The following SAMD5 variants were observed in gnomAD, a reference collection of about 807,000 sequenced individuals.
SAMD5 encodes the protein sterile alpha motif domain-containing protein 5.
SAMD5 carries 13 observed loss-of-function variants against 11.3 expected under a neutral mutation model. That is an observed-to-expected ratio of 1.15 (90% CI 0.75 to 1.83). The LOEUF (loss-of-function observed/expected upper bound fraction) is 1.83. SAMD5 is among the 40% of genes most tolerant of loss of function. The probability of loss-of-function intolerance (pLI) is 0.00; values close to 1 mark genes in which losing one functional copy is unlikely to be tolerated. For missense variants in SAMD5, 255 were observed against 239.1 expected, an observed-to-expected ratio of 1.07 and a Z score of -0.44; for synonymous variants, 129 against 111.3, an observed-to-expected ratio of 1.16 and a Z score of -1.00.
At chr6:147,517,588 A>G (rs1223046876) in intron 1 of SAMD5, among the ~76,000 whole-genome samples, 8 of 152,254 alleles carry the variant, frequency 5.3e-5, no homozygotes, top group Non-Finnish European at 7.3e-5. Flanking sequence ...TAACATTTCA[A>G]AATTTAGATA....
At chr6:147,865,420 T>C in the SAMD5 span, among the ~76,000 whole-genome samples, 7 of 151,962 alleles carry the variant, frequency 4.6e-5, no homozygotes, top group East Asian at 9.7e-4. Flanking sequence ...GAAAGATGAA[T>C]TGGCCCCGGA....
rs745497029 is a variant in SAMD5, at chr6:147,711,906, CAG to C, written c.163-25408_163-25407del. ...TTTACATAAACACCAGGGGCCCACT[CAG>C]AGGTCTGCACCAACCATCTTTTAAG... On this transcript the variant is annotated intron_variant, in intron 1 of 1. Transcript: ENST00000566741. The surrounding 1 kb of genome is among the most constrained non-coding windows in gnomAD (Gnocchi z 4.1). Among the ~76,000 whole-genome samples, 4 of 152,146 alleles carry C rather than the reference CAG, an allele frequency of 2.6e-5. No individual in the cohort carries two copies. Among genetic ancestry groups the C allele is most frequent in the Non-Finnish European group, 5.9e-5 (4 of 68,032 alleles).
intron 1 of SAMD5, among the ~76,000 whole-genome samples, chr6:147,639,145 T>C (rs751740996): frequency 2.6e-5 from 4 of 152,226 alleles, no homozygotes; most frequent in Non-Finnish European, 5.9e-5. Flanking sequence ...CTGACCTTTT[T>C]TGAATTTTCT....
intron 1 of SAMD5, among the ~76,000 whole-genome samples, chr6:147,664,251 A>C (rs537900452): frequency 6.6e-6 from 1 of 152,234 alleles, no homozygotes; most frequent in Admixed American, 6.5e-5. Flanking sequence ...ACCCTTTCAG[A>C]GACTAAAAAA....
intron 1 of SAMD5, among the ~76,000 whole-genome samples, chr6:147,563,169 C>T (rs1788982107): frequency 6.6e-6 from 1 of 152,142 alleles, no homozygotes; most frequent in South Asian, 2.1e-4. Flanking sequence ...ATGTGATTGC[C>T]TGATGGTGTC....
the SAMD5 span, among the ~76,000 whole-genome samples, chr6:147,854,712 C>A: frequency 7.0e-6 from 1 of 143,504 alleles, no homozygotes; most frequent in Non-Finnish European, 1.5e-5. Context: ...ATTCTTGATC[C>A]ACAAGGATTT....
intron 1 of SAMD5, among the ~76,000 whole-genome samples, chr6:147,637,189 C>T (rs1030415751): frequency 1.3e-5 from 2 of 152,148 alleles, no homozygotes; most frequent in African/African-American, 4.8e-5. Flanking sequence ...CTCTGCCAAG[C>T]CCTCCCCATA....
chr6:147,766,909 T>C, the SAMD5 span, among the ~76,000 whole-genome samples: 12 of 152,278 alleles, frequency 7.9e-5, no homozygotes, highest in East Asian at 2.1e-3. Flanking sequence ...GACAGGTCCA[T>C]TGACATATTG....
chr6:147,883,752 C>A, the SAMD5 span, among the ~76,000 whole-genome samples: 1 of 152,162 alleles, frequency 6.6e-6, no homozygotes, highest in Middle Eastern at 3.4e-3. Flanking sequence ...TAATCAGTTG[C>A]TGGGCTGGAG....
At chr6:147,571,710 A>C (rs537932864), downstream of SAMD5, among the ~76,000 whole-genome samples, 117 of 152,328 alleles carry the variant, frequency 7.7e-4, no homozygotes, top group African/African-American at 2.6e-3. Context: ...ATTTAACTTC[A>C]ACTTCATTTT....
chr6:147,672,465 A>G (rs761991080), intron 1 of SAMD5, among the ~76,000 whole-genome samples: 45 of 152,248 alleles, frequency 3.0e-4, no homozygotes, highest in Middle Eastern at 3.4e-3. Flanking sequence ...TTCACTTACA[A>G]TGTGTTAGAT....
chr6:147,728,480 C>CA (rs1214139908), intron 1 of SAMD5, among the ~76,000 whole-genome samples: 1 of 152,110 alleles, frequency 6.6e-6, no homozygotes, highest in African/African-American at 2.4e-5. Flanking sequence ...TGAAGCACAG[C>CA]AAAAACCTAC....
the SAMD5 span, among the ~76,000 whole-genome samples, chr6:147,855,900 A>G: frequency 6.6e-6 from 1 of 152,224 alleles, no homozygotes; most frequent in African/African-American, 2.4e-5. Flanking sequence ...CACCTACCAT[A>G]TGATCCAGTC....
At chr6:147,703,358 C>T (rs1018287440) in intron 1 of SAMD5, among the ~76,000 whole-genome samples, 6 of 152,212 alleles carry the variant, frequency 3.9e-5, no homozygotes, top group African/African-American at 1.4e-4. Flanking sequence ...AGGCGTGAGC[C>T]ACCATGCCCG....
the SAMD5 span, among the ~76,000 whole-genome samples, chr6:147,884,744 A>G: frequency 6.6e-6 from 1 of 152,202 alleles, no homozygotes; most frequent in African/African-American, 2.4e-5. Context: ...TGCTAATTAT[A>G]CAAACACTAA....
chr6:147,712,249 C>T (rs900913884), intron 1 of SAMD5, among the ~76,000 whole-genome samples: 1 of 152,170 alleles, frequency 6.6e-6, no homozygotes, highest in African/African-American at 2.4e-5. Context: ...TTTAGCTTTA[C>T]AAAGTTAACC....
At chr6:147,793,083 A>G in the SAMD5 span, among the ~76,000 whole-genome samples, 1,277 of 152,300 alleles carry the variant, frequency 8.4e-3, 14 homozygotes, top group African/African-American at 0.029. Context: ...AGTATGGGAA[A>G]GGGAAAAAGA....
chr6:147,622,305 A>C (rs994811151), intron 1 of SAMD5, among the ~76,000 whole-genome samples: 7 of 152,250 alleles, frequency 4.6e-5, no homozygotes, highest in African/African-American at 7.2e-5. Flanking sequence ...AATACAGTGC[A>C]GATGCTATGT....
the SAMD5 span, among the ~76,000 whole-genome samples, chr6:147,748,714 T>C: frequency 1.3e-5 from 2 of 152,274 alleles, no homozygotes; most frequent in East Asian, 3.9e-4. Flanking sequence ...ACAGCTGATA[T>C]CATGCTGTTG....
Sources: gnomAD v4.1 joint callset for allele counts (sites outside exome capture counted in the v4.1 genomes callset) on GRCh38, gnomAD v4.1.1 for gene constraint, Gnocchi (gnomAD v3.1) non-coding constraint, MANE v1.5 for transcripts, NCBI Gene and HGNC (gene_info 2026-07-23, HGNC 2026-07-21) for gene names.